Variants in ZFHX3 observed in about 807,000 individuals in gnomAD.
ZFHX3 encodes the protein zinc finger homeobox 3.
In ZFHX3, 42 loss-of-function variants were observed where a neutral mutation model predicts 279.1. The ratio of observed to expected loss-of-function variants is 0.15; its 90% CI spans 0.12 to 0.19. The LOEUF (loss-of-function observed/expected upper bound fraction) is 0.19, where lower values mean the gene tolerates loss of function less well. Among genes scored for constraint, ZFHX3 ranks in the 10% least tolerant of loss-of-function variants. ZFHX3 has a pLI of 1.00. For synonymous variants in ZFHX3, 2,293 were observed against 1,957.8 expected, an observed-to-expected ratio of 1.17 and a Z score of -4.52; for missense variants, 4,981 against 4,754.0, an observed-to-expected ratio of 1.05 and a Z score of -1.40.
chr16:72,920,084 C>T (rs979101442), intron 3 of ZFHX3, among the ~76,000 whole-genome samples: 8 of 151,884 alleles, frequency 5.3e-5, no homozygotes, highest in South Asian at 4.2e-4. Context: ...TGAGCTACTG[C>T]GCCCGGTCCC....
chr16:73,160,457 C>T (rs1967202709), intron 5 of ZFHX3, among the ~76,000 whole-genome samples: 1 of 152,174 alleles, frequency 6.6e-6, no homozygotes, highest in Admixed American at 6.5e-5. Context: ...GAGCAAATTT[C>T]TAAGGATGAG....
At chr16:73,351,047 G>A (rs1341949680) in intron 3 of ZFHX3, among the ~76,000 whole-genome samples, 1 of 152,186 alleles carries the variant, frequency 6.6e-6, no homozygotes, top group Non-Finnish European at 1.5e-5. Context: ...GACACTGGTG[G>A]CATTTGGCGT....
At chr16:72,814,863 G>A (rs531299211) in intron 5 of ZFHX3, among the ~76,000 whole-genome samples, 3 of 152,258 alleles carry the variant, frequency 2.0e-5, no homozygotes, top group South Asian at 2.1e-4. Context: ...CTGTCTAGAA[G>A]TGGATATTAG....
chr16:73,586,544 T>C (rs2051929132), intron 2 of ZFHX3, among the ~76,000 whole-genome samples: 1 of 151,652 alleles, frequency 6.6e-6, no homozygotes, highest in Non-Finnish European at 1.5e-5. Flanking sequence ...GACTTTAATT[T>C]AAAAATGTAC....
At chr16:73,142,048 C>T (rs942197737) in intron 6 of ZFHX3, among the ~76,000 whole-genome samples, 7 of 152,204 alleles carry the variant, frequency 4.6e-5, no homozygotes, top group African/African-American at 4.8e-5. Flanking sequence ...TGCACATCAT[C>T]ACCCTGCCAT....
intron 3 of ZFHX3, among the ~76,000 whole-genome samples, chr16:72,908,979 A>G (rs1462997280): frequency 1.3e-5 from 2 of 152,244 alleles, no homozygotes; most frequent in Non-Finnish European, 2.9e-5. Flanking sequence ...AAAGCTACTC[A>G]GTCTGCTGAA....
At chr16:73,665,201 T>A (rs1271176408) in intron 2 of ZFHX3, among the ~76,000 whole-genome samples, 1 of 140,442 alleles carries the variant, frequency 7.1e-6, no homozygotes, top group African/African-American at 2.6e-5. Flanking sequence ...ATCTTTCTGA[T>A]CATCATTGCA....
chr16:73,219,544 G>A (rs777399442), intron 5 of ZFHX3, among the ~76,000 whole-genome samples: 2 of 152,232 alleles, frequency 1.3e-5, no homozygotes, highest in Non-Finnish European at 2.9e-5. Flanking sequence ...CCAGTTGACA[G>A]TCAAAGCCCT....
intron 1 of ZFHX3, among the ~76,000 whole-genome samples, chr16:73,881,645 T>G (rs1402706915): frequency 6.6e-6 from 1 of 151,980 alleles, no homozygotes; most frequent in East Asian, 1.9e-4. Context: ...TTCTGGATAT[T>G]TGCTAGGGTT....
At chr16:73,751,624 A>C (rs546580476) in intron 1 of ZFHX3, among the ~76,000 whole-genome samples, 2 of 152,350 alleles carry the variant, frequency 1.3e-5, no homozygotes, top group South Asian at 2.1e-4. Context: ...AATAAAAATA[A>C]AATGATTTTA....
At chr16:73,847,382 G>A (rs891583131) in intron 1 of ZFHX3, among the ~76,000 whole-genome samples, 1 of 152,156 alleles carries the variant, frequency 6.6e-6, no homozygotes, top group Non-Finnish European at 1.5e-5. Context: ...GTGTCGAGGG[G>A]GGATTTGGCT....
At chr16:73,739,890 C>T (rs2053639860) in intron 1 of ZFHX3, among the ~76,000 whole-genome samples, 2 of 152,228 alleles carry the variant, frequency 1.3e-5, no homozygotes, top group East Asian at 1.9e-4. Flanking sequence ...CTCTTCTCTA[C>T]CCCCAATGAC....
chr16:73,721,799 C>G (rs574724204), intron 1 of ZFHX3, among the ~76,000 whole-genome samples: 6 of 152,332 alleles, frequency 3.9e-5, no homozygotes, highest in South Asian at 4.1e-4. Context: ...TATCCCAGCA[C>G]TTTGGGAGGC....
chr16:72,996,805 G>T (rs1963312034), intron 1 of ZFHX3, among the ~76,000 whole-genome samples: 1 of 152,182 alleles, frequency 6.6e-6, no homozygotes. Flanking sequence ...AGCCAGATAT[G>T]GACTGGTCTG....
intron 3 of ZFHX3, among the ~76,000 whole-genome samples, chr16:72,892,890 G>C (rs1191051430): frequency 6.6e-6 from 1 of 152,150 alleles, no homozygotes; most frequent in Admixed American, 6.5e-5. Flanking sequence ...GGGAGGATGG[G>C]ATGCACTGAG....
chr16:72,965,184 T>C (rs1214407942), intron 1 of ZFHX3, among the ~76,000 whole-genome samples: 3 of 152,224 alleles, frequency 2.0e-5, no homozygotes, highest in Non-Finnish European at 4.4e-5. Flanking sequence ...TGGCCTGTTT[T>C]TCTTTAATGT....
chr16:72,893,496 G>A (rs1003296844), intron 3 of ZFHX3, among the ~76,000 whole-genome samples: 12 of 152,310 alleles, frequency 7.9e-5, no homozygotes, highest in African/African-American at 1.9e-4. Flanking sequence ...TCATAGGACC[G>A]TATAAACCCT....
intron 7 of ZFHX3, among the ~76,000 whole-genome samples, chr16:73,106,678 C>A (rs1279537387): frequency 6.6e-6 from 1 of 152,154 alleles, no homozygotes; most frequent in Non-Finnish European, 1.5e-5. Flanking sequence ...GCCAATTTGG[C>A]CTGCATAGAT....
chr16:73,209,575 A>G (rs2011936270), intron 5 of ZFHX3, among the ~76,000 whole-genome samples: 1 of 152,180 alleles, frequency 6.6e-6, no homozygotes, highest in Non-Finnish European at 1.5e-5. Context: ...AGCACTTCCC[A>G]TTAGGTCCCA....
Sources: gnomAD v4.1 joint callset for allele counts (sites outside exome capture counted in the v4.1 genomes callset) on GRCh38, gnomAD v4.1.1 for gene constraint, MANE v1.5 for transcripts, NCBI Gene and HGNC (gene_info 2026-07-23, HGNC 2026-07-21) for gene names.